The following MSL2 variants were observed in gnomAD, a reference collection of about 807,000 sequenced individuals.
MSL2 encodes the protein MSL complex subunit 2, also known as E3 ubiquitin-protein ligase MSL2.
In MSL2, 2 loss-of-function variants were observed where a neutral mutation model predicts 35.8. The observed-to-expected ratio is 0.06, with a 90% CI of 0.02 to 0.18. The LOEUF is 0.18. Among genes scored for constraint, MSL2 ranks in the 10% least tolerant of loss-of-function variants. The pLI is 1.00. For synonymous variants in MSL2, 296 were observed against 255.7 expected (o/e 1.16, Z -1.50); for missense variants, 523 against 706.7 (o/e 0.74, Z 2.95).
intron 1 of MSL2, among the ~76,000 whole-genome samples, chr3:136,191,507 C>G (rs1940689517): frequency 6.7e-6 from 1 of 149,684 alleles, no homozygotes; most frequent in Non-Finnish European, 1.5e-5. Flanking sequence ...CCAGGAGCCA[C>G]AGTGGCTTAC....
At chr3:136,176,267 A>G (rs1940169699) in intron 1 of MSL2, among the ~76,000 whole-genome samples, 1 of 152,134 alleles carries the variant, frequency 6.6e-6, no homozygotes, top group African/African-American at 2.4e-5. Context: ...TAATCCCAGC[A>G]CTATGGGAAG....
At chr3:136,172,906 GT>G (rs1215388932) in intron 1 of MSL2, among the ~76,000 whole-genome samples, 3 of 152,168 alleles carry the variant, frequency 2.0e-5, no homozygotes, top group Non-Finnish European at 2.9e-5. Context: ...GCTCACACCT[GT>G]AATCCCAGTA....
rs527372233 is a variant in MSL2, at chr3:136,190,320, T to C, written c.142+4652A>G. Among the ~76,000 whole-genome samples, 14 of 152,174 alleles carry C rather than the reference T, an allele frequency of 9.2e-5. No homozygotes were observed. The South Asian group carries it at 2.9e-3, about 32-fold the overall frequency. On this transcript the variant is annotated intron_variant, in intron 1 of 1. Transcript: ENST00000309993. ...GGGGCTCACACCTGTAATCCCAGCATTTTGGGAGACCCAGGCCAGATGAGT... is the reference window on the plus strand; with the variant it reads ...GGGGCTCACACCTGTAATCCCAGCACTTTGGGAGACCCAGGCCAGATGAGT...
intron 1 of MSL2, among the ~76,000 whole-genome samples, chr3:136,166,450 A>G (rs1178681455): frequency 6.6e-6 from 1 of 152,190 alleles, no homozygotes; most frequent in Non-Finnish European, 1.5e-5. Context: ...AAAAGAAAAA[A>G]AAAAATTTGT....
At chr3:136,182,025 C>G (rs1940381665) in intron 1 of MSL2, among the ~76,000 whole-genome samples, 1 of 151,732 alleles carries the variant, frequency 6.6e-6, no homozygotes, top group South Asian at 2.1e-4. Flanking sequence ...AAAATCAAAA[C>G]TTAAACAAGA....
chr3:136,158,087 G>A (rs995299959), intron 1 of MSL2, among the ~76,000 whole-genome samples: 13 of 152,202 alleles, frequency 8.5e-5, no homozygotes, highest in South Asian at 4.2e-4. Flanking sequence ...CAAGGTGGGC[G>A]GATCACCTGA....
chr3:136,164,718 G>A (rs1028983420), intron 1 of MSL2, among the ~76,000 whole-genome samples: 1 of 152,096 alleles, frequency 6.6e-6, no homozygotes, highest in Non-Finnish European at 1.5e-5. Flanking sequence ...AAAATAAAAT[G>A]GATGGGCAAT....
Position 136,178,459 on chromosome 3 carries a change from C to T in MSL2, c.142+16513G>A, listed in dbSNP as rs148202100. 7.5e-3 allele frequency among the ~76,000 whole-genome samples: 1,135 copies of T among 151,850 alleles called. 18 individuals are homozygous for T. The highest frequency in any genetic ancestry group is 0.026 in the African/African-American group (1,071 of 41,368). On this transcript the variant is annotated intron_variant, in intron 1 of 1. Transcript: ENST00000309993. ...CTCTTAAGAGAGTCATCCCAAAATA[C>T]ATTAGCATCTTAAAACTGAATATTC...
chr3:136,155,101 G>A (rs753263003), intron 1 of MSL2, among the ~76,000 whole-genome samples: 1 of 152,002 alleles, frequency 6.6e-6, no homozygotes, highest in Non-Finnish European at 1.5e-5. Flanking sequence ...CCAGCTACTC[G>A]GGGGAGCTGA....
At chr3:136,152,914 A>G in intron 1 of MSL2, 176 bp from the exon 2 acceptor site, 1 of 985,448 alleles carries the variant, frequency 1.0e-6, no homozygotes, top group Non-Finnish European at 1.2e-6. Context: ...AGCTCGCTTG[A>G]TTTCATGCCA....
intron 1 of MSL2, among the ~76,000 whole-genome samples, chr3:136,170,028 G>A (rs950212690): frequency 6.6e-6 from 1 of 150,684 alleles, no homozygotes; most frequent in Non-Finnish European, 1.5e-5. Flanking sequence ...TCCAGCCTGG[G>A]CGACAGAGAG....
At chr3:136,164,955 C>A (rs971096305) in intron 1 of MSL2, among the ~76,000 whole-genome samples, 2 of 151,894 alleles carry the variant, frequency 1.3e-5, no homozygotes, top group African/African-American at 4.8e-5. Context: ...CTCACCGCAA[C>A]CTCCATCTCC....
At chr3:136,169,942 G>A (rs1373696246) in intron 1 of MSL2, among the ~76,000 whole-genome samples, 1 of 151,498 alleles carries the variant, frequency 6.6e-6, no homozygotes, top group East Asian at 2.0e-4. Flanking sequence ...TGTAATCCCA[G>A]TTACTCGGGC....
chr3:136,194,341 A>G (rs1209158260), intron 1 of MSL2: 1 of 910,896 alleles, frequency 1.1e-6, no homozygotes, highest in Non-Finnish European at 1.3e-6. Flanking sequence ...AACCCTCGAC[A>G]AAGCCAAAGT....
chr3:136,180,753 G>A (rs1318616674), intron 1 of MSL2, among the ~76,000 whole-genome samples: 5 of 94,578 alleles, frequency 5.3e-5, no homozygotes, highest in Non-Finnish European at 1.1e-4. Context: ...GAGGAGGGAA[G>A]GAGGGAAGGA....
At position 136,185,162 on chromosome 3, in the gene MSL2, G is replaced by A. The variant is rs1337057848; in HGVS notation, c.142+9810C>T. ...GCTTATTTTTTGTATTTTTAATAGA[G>A]ACAAGGTTTCACCATGTTGGCTAGG... On this transcript the variant is annotated intron_variant, in intron 1 of 1. Transcript: ENST00000309993. Among the ~76,000 whole-genome samples the A allele has an allele frequency of 2.0e-5, 3 of 151,950 alleles. No individual in the cohort carries two copies. The South Asian group carries it at 6.2e-4, about 32-fold the overall frequency.
chr3:136,160,275 CA>C (rs775528119), intron 1 of MSL2, among the ~76,000 whole-genome samples: 1,146 of 18,750 alleles, frequency 0.061, 11 homozygotes, highest in Non-Finnish European at 0.081. Context: ...GACTCTGTCT[CA>C]AAAAAAAAAA....
intron 1 of MSL2, among the ~76,000 whole-genome samples, chr3:136,190,916 A>G (rs1445744613): frequency 1.3e-5 from 2 of 152,222 alleles, no homozygotes; most frequent in Admixed American, 1.3e-4. Context: ...AGGCTATCCC[A>G]TTCACTAGAA....
intron 1 of MSL2, 65 bp from the exon 2 acceptor site, chr3:136,152,803 G>A (rs372333467): frequency 1.3e-6 from 2 of 1,556,262 alleles, no homozygotes; most frequent in African/African-American, 1.4e-5. Flanking sequence ...ATAAACTGAA[G>A]TTTAGATGAC....
Sources: gnomAD v4.1 joint callset for allele counts (sites outside exome capture counted in the v4.1 genomes callset) on GRCh38, gnomAD v4.1.1 for gene constraint, MANE v1.5 for transcripts, NCBI Gene and HGNC (gene_info 2026-07-23, HGNC 2026-07-21) for gene names.